SLC36A3: variants seen among roughly 807,000 people sequenced by gnomAD.
SLC36A3 encodes the protein proton-coupled amino acid transporter 3.
A neutral mutation model predicts 44.3 loss-of-function variants in SLC36A3; 35 were observed. The observed-to-expected ratio is 0.79, with a 90% CI of 0.60 to 1.05. SLC36A3 has a LOEUF of 1.05. Ranked by LOEUF, SLC36A3 falls within the 50% of genes least tolerant of loss-of-function variation. SLC36A3 has a pLI of 0.00. For synonymous variants in SLC36A3, 211 were observed against 227.6 expected (o/e 0.93, Z 0.66); for missense variants, 540 against 578.7 (o/e 0.93, Z 0.69).
intron 8 of SLC36A3, among the ~76,000 whole-genome samples, chr5:151,283,076 G>C (rs1215426695): frequency 6.6e-6 from 1 of 151,938 alleles, no homozygotes; most frequent in East Asian, 1.9e-4. Context: ...AGCAGAGATG[G>C]GGTTTTGCCA....
chr5:151,283,964 G>T, intron 8 of SLC36A3, 80 bp downstream of exon 8: 1 of 1,476,002 alleles, frequency 6.8e-7, no homozygotes, highest in Non-Finnish European at 9.0e-7. Context: ...TCATGGCTCA[G>T]CTTTGCTGTG....
Position 151,288,374 on chromosome 5 carries a change from A to C in SLC36A3, c.489+12T>G. The C allele has an allele frequency of 6.3e-7, 1 of 1,589,702 alleles. No individual in the cohort carries two copies. Among genetic ancestry groups the C allele is most frequent in the Non-Finnish European group, 8.6e-7 (1 of 1,167,010 alleles). ...GCTTTTCCCCCACTCTGCCCAGAAGAGGGCTCTTTACCTGTTGTAAATTGT... is the reference window on the plus strand; with the variant it reads ...GCTTTTCCCCCACTCTGCCCAGAAGCGGGCTCTTTACCTGTTGTAAATTGT... On this transcript the variant is annotated intron_variant, in intron 5 of 9. Coordinates refer to ENST00000335230, the MANE Select transcript of SLC36A3 (RefSeq NM_181774.4).
chr5:151,298,747 T>A (rs1191269360), intron 1 of SLC36A3, 64 bp from the exon 2 acceptor site: 2 of 1,542,172 alleles, frequency 1.3e-6, no homozygotes, highest in East Asian at 4.5e-5. Context: ...GGCCAGAAAC[T>A]CAGCCTCCTT....
intron 7 of SLC36A3, 148 bp from the exon 8 acceptor site, chr5:151,284,358 C>T (rs1754449961): frequency 1.3e-6 from 1 of 799,464 alleles, no homozygotes; most frequent in Non-Finnish European, 2.0e-6. Flanking sequence ...ACACTCCTTT[C>T]ATTTTCTCTC....
Position 151,284,614 on chromosome 5 carries a change from A to G in SLC36A3, c.806T>C (p.Met269Thr). Residue 269 changes from methionine to threonine, a missense_variant and splice_region_variant, in exon 7 of 10, where the codon ATG (methionine) becomes ACG (threonine). Physicochemically the swap from Met to Thr is moderately conservative, Grantham distance 81. Transcript: ENST00000335230. Reference protein sequence around the residue: ...TAIFTFEGVGMVLPLKNQMKH... With the variant: ...TAIFTFEGVGTVLPLKNQMKH... Reference sequence around the variant, plus strand: ...TCGCGTGAACCCCATCAATCTTACCATACCGACGCCTTCAAATGTGAAGAT... The same window carrying G: ...TCGCGTGAACCCCATCAATCTTACCGTACCGACGCCTTCAAATGTGAAGAT... 6.2e-7 allele frequency: 1 copy of G among 1,610,158 alleles called. No individual in the cohort carries two copies. The highest frequency in any genetic ancestry group is 8.5e-7 in the Non-Finnish European group (1 of 1,177,474).
chr5:151,296,372 T>C (rs141438503), intron 2 of SLC36A3, 104 bp from the exon 3 acceptor site: 1 of 952,138 alleles, frequency 1.1e-6, no homozygotes, highest in African/African-American at 1.6e-5. Context: ...AATAAAACTG[T>C]CTTTGGGGTG....
In SLC36A3 at chr5:151,281,186, G is replaced by C. The variant is rs959557926; in HGVS notation, c.975-3C>G. 5 of 1,602,916 alleles carry C rather than the reference G, an allele frequency of 3.1e-6. No homozygotes were observed. Among genetic ancestry groups the C allele is most frequent in the Non-Finnish European group, 4.3e-6 (5 of 1,173,936 alleles). On this transcript the variant is annotated splice_polypyrimidine_tract_variant and splice_region_variant and intron_variant, in intron 8 of 9. Transcript: ENST00000335230. Reference sequence around the variant, plus strand: ...TCAGCTTGACTGACTGGTACAACCTGCAGACACATGAATTGGATGTGAAAG... The same window carrying C: ...TCAGCTTGACTGACTGGTACAACCTCCAGACACATGAATTGGATGTGAAAG...
intron 6 of SLC36A3, among the ~76,000 whole-genome samples, chr5:151,286,687 T>A (rs1236433637): frequency 1.3e-5 from 2 of 152,220 alleles, no homozygotes; most frequent in Non-Finnish European, 2.9e-5. Context: ...CATTTGTGAT[T>A]GTTCAGATCC....
chr5:151,296,085 C>T, intron 3 of SLC36A3, 95 bp downstream of exon 3: 3 of 1,131,804 alleles, frequency 2.7e-6, no homozygotes, highest in South Asian at 2.6e-5. Flanking sequence ...TGGCCTGGAG[C>T]AGTGGCCGAA....
rs1755233492 is a variant in SLC36A3 at position 151,303,432 on chromosome 5, A to T, written c.-78T>A. 2 of 1,488,086 alleles carry T rather than the reference A, an allele frequency of 1.3e-6. No individual in the cohort carries two copies. Among genetic ancestry groups the T allele is most frequent in the African/African-American group, 2.8e-5 (2 of 71,570 alleles). 92.2% of individuals were successfully genotyped at this position (1,488,086 alleles called of 1,614,324 possible). On this transcript the variant is annotated 5_prime_UTR_variant, in exon 1 of 10. Transcript: ENST00000335230. The stretch of plus-strand genomic sequence containing the variant: ...CCTCTGATGGGTCTTTCTCCAGAGA[A>T]ACCATGGCTGCTGACCTGAGATGCT...
At chr5:151,282,652 C>A (rs1040157155) in intron 8 of SLC36A3, among the ~76,000 whole-genome samples, 12 of 152,138 alleles carry the variant, frequency 7.9e-5, no homozygotes, top group African/African-American at 2.9e-4. Flanking sequence ...CACAGACTAT[C>A]CTTGTACATA....
intron 6 of SLC36A3, among the ~76,000 whole-genome samples, chr5:151,285,667 G>A (rs1263404848): frequency 6.6e-6 from 1 of 151,998 alleles, no homozygotes; most frequent in South Asian, 2.1e-4. Flanking sequence ...TGGGATTAAG[G>A]TTTCCAATCA....
rs1754122325 is a variant in SLC36A3 at position 151,277,286 on chromosome 5, A to G, written c.*107T>C. On this transcript the variant is annotated 3_prime_UTR_variant, in exon 10 of 10. Transcript: ENST00000335230. ...TTTCTCTTGGAAAGATAAAGACGCC[A>G]CTAATTAATATAGAGATGTTGGGAT... 1 of 1,399,122 alleles carries G rather than the reference A, an allele frequency of 7.1e-7. No homozygotes were observed. Among genetic ancestry groups the G allele is most frequent in the Non-Finnish European group, 9.8e-7 (1 of 1,021,838 alleles). The allele number at this position is 1,399,122 out of a possible 1,614,324, so 86.7% of individuals were successfully genotyped here.
At chr5:151,299,035 T>C (rs1755058397) in intron 1 of SLC36A3, among the ~76,000 whole-genome samples, 1 of 152,216 alleles carries the variant, frequency 6.6e-6, no homozygotes, top group East Asian at 1.9e-4. Context: ...ACCTAATACA[T>C]GTCTATCAGT....
At chr5:151,282,941 A>G (rs567683665) in intron 8 of SLC36A3, among the ~76,000 whole-genome samples, 46 of 151,278 alleles carry the variant, frequency 3.0e-4, no homozygotes, top group Non-Finnish European at 2.9e-4. Context: ...CTGGAATGCA[A>G]TGGCGTGATC....
chr5:151,281,403 T>G (rs1754310100), intron 8 of SLC36A3, among the ~76,000 whole-genome samples: 1 of 152,240 alleles, frequency 6.6e-6, no homozygotes, highest in South Asian at 2.1e-4. Context: ...TAATGTTAGA[T>G]GATTCAGGCC....
chr5:151,303,166 C>G, intron 1 of SLC36A3, 61 bp downstream of exon 1: 1 of 1,565,926 alleles, frequency 6.4e-7, no homozygotes, highest in Non-Finnish European at 8.7e-7. Flanking sequence ...AAGACATAGT[C>G]CAGAGTTGCA....
intron 8 of SLC36A3, among the ~76,000 whole-genome samples, chr5:151,282,111 G>GTTTTTT (rs70976011): frequency 1.4e-4 from 8 of 56,124 alleles, no homozygotes; most frequent in East Asian, 7.6e-4. Flanking sequence ...CTTTTTCTTT[G>GTTTTTT]TTTTTTTTTT....
chr5:151,279,839 CAATGACTTT>C (rs1481292987), intron 9 of SLC36A3, among the ~76,000 whole-genome samples: 2 of 152,200 alleles, frequency 1.3e-5, no homozygotes, highest in Non-Finnish European at 2.9e-5. Flanking sequence ...TTGATTCCTT[CAATGACTTT>C]AAATTCTGAC....
Sources: allele counts gnomAD v4.1 joint callset (sites outside exome capture counted in the v4.1 genomes callset), GRCh38; gene constraint gnomAD v4.1.1; transcripts MANE v1.5; gene names NCBI Gene and HGNC (gene_info 2026-07-23, HGNC 2026-07-21).